The following TSLP variants were observed in gnomAD, a reference collection of about 807,000 sequenced individuals.
The protein encoded by TSLP is thymic stromal lymphopoietin.
A neutral mutation model predicts 12.4 loss-of-function variants in TSLP; 12 were observed. The ratio of observed to expected loss-of-function variants is 0.97; its 90% CI spans 0.62 to 1.57. The LOEUF is 1.57. Ranked by LOEUF, TSLP falls within the 40% of genes most tolerant of loss-of-function variation. The pLI is 0.00. For synonymous variants in TSLP, 97 were observed against 69.5 expected, an observed-to-expected ratio of 1.40 and a Z score of -1.97; for missense variants, 222 against 189.6, an observed-to-expected ratio of 1.17 and a Z score of -1.00.
chr5:111,072,157 T>A (rs1017317312), intron 1 of TSLP, 96 bp downstream of exon 1: 6 of 1,102,310 alleles, frequency 5.4e-6, no homozygotes, highest in African/African-American at 1.6e-5. Flanking sequence ...AGAAAAATAA[T>A]TTAGAAAAAA....
rs1441795818 is a variant in TSLP, at chr5:111,076,345, A to G, written c.*271A>G. The G allele has an allele frequency of 8.2e-6, 3 of 364,814 alleles. No individual in the cohort carries two copies. The highest frequency in any genetic ancestry group is 2.1e-5 in the African/African-American group (1 of 46,630). The allele number at this position is 364,814 out of a possible 1,614,324, so 22.6% of individuals were successfully genotyped here. On this transcript the variant is annotated 3_prime_UTR_variant, in exon 4 of 4. Coordinates refer to ENST00000344895, the MANE Select transcript of TSLP (RefSeq NM_033035.5). ...GGCTGTAGTTGCATAAGCATTGCTC[A>G]AGAGGAAAATCCAAAAGTGCAGCAG... is the stretch of plus-strand genomic sequence containing the variant.
chr5:111,071,441 G>C, upstream of TSLP: 6 of 1,525,018 alleles, frequency 3.9e-6, no homozygotes, highest in Non-Finnish European at 5.3e-6. Flanking sequence ...TGCCCTGTAG[G>C]AGAAAGACAC....
At chr5:111,075,350 C>T (rs1752471076) in intron 3 of TSLP, among the ~76,000 whole-genome samples, 2 of 151,964 alleles carry the variant, frequency 1.3e-5, no homozygotes, top group South Asian at 2.1e-4. Flanking sequence ...TTAAAATAAG[C>T]CCTCAGATGT....
rs1752401856 is a variant in TSLP, at chr5:111,073,543, C to T, written c.249C>T (p.Thr83=). The change falls in exon 3 of 4, where the codon ACC becomes ACT. Residue 83 remains threonine (T), a synonymous_variant. Coordinates refer to ENST00000344895, the MANE Select transcript of TSLP (RefSeq NM_033035.5). ...GCCTTACTGAAATCCAGAGCCTAACCTTCAATCCCACCGCCGGCTGCGCGT... is the reference window on the plus strand; with the variant it reads ...GCCTTACTGAAATCCAGAGCCTAACTTTCAATCCCACCGCCGGCTGCGCGT... ...PHCLTEIQSL[T]FNPTAGCASL... 6.2e-7 allele frequency: 1 copy of T among 1,614,054 alleles called. No individual in the cohort carries two copies.
In TSLP at chr5:111,075,945, G is replaced by A. The variant is rs760066885; in HGVS notation, c.352-1G>A. On this transcript the variant is annotated splice_acceptor_variant, in intron 3 of 3. Coordinates refer to ENST00000344895, the MANE Select transcript of TSLP (RefSeq NM_033035.5). LOFTEE classifies it high-confidence loss of function. ...TGACTATTGATTCTTATATTCTGCA[G>A]ATAAATGCTACTCAGGCAATGAAGA... 4 of 1,612,684 alleles carry A rather than the reference G, an allele frequency of 2.5e-6. No homozygotes were observed. The highest frequency in any genetic ancestry group is 2.2e-5 in the East Asian group (1 of 44,848).
chr5:111,073,249 G>GC, intron 2 of TSLP: 1 of 1,392,546 alleles, frequency 7.2e-7, no homozygotes, highest in Non-Finnish European at 9.3e-7. Flanking sequence ...GGCAGCCTCC[G>GC]CCCCCTGGAG....
rs771825618 is a variant in TSLP at position 111,071,841 on chromosome 5, G to A, written c.-50G>A. The A allele has an allele frequency of 1.7e-5, 27 of 1,590,080 alleles. No homozygotes were observed. Among genetic ancestry groups the A allele is most frequent in the South Asian group, 6.8e-5 (6 of 87,758 alleles). On this transcript the variant is annotated 5_prime_UTR_variant, in exon 1 of 4. In the 5' UTR this introduces an upstream ATG that the reference lacks. Transcript: ENST00000344895. ...CAGGCCTTACAGATCTCTTACACTC[G>A]TGGTGGGAAGAGTTTAGTGTGAAAC...
intron 3 of TSLP, among the ~76,000 whole-genome samples, chr5:111,074,777 G>A (rs762163480): frequency 1.6e-4 from 24 of 151,912 alleles, no homozygotes; most frequent in East Asian, 1.9e-4. Context: ...CCGCCACCAC[G>A]CCTGGCTAAC....
At chr5:111,070,915 G>C (rs1437988850), upstream of TSLP, 1 of 152,418 alleles carries the variant, frequency 6.6e-6, no homozygotes, top group East Asian at 1.9e-4. Flanking sequence ...GTCTGGCTCC[G>C]CTTCTTGTGT....
Position 111,076,132 on chromosome 5 carries a change from G to A in TSLP, c.*58G>A. On this transcript the variant is annotated 3_prime_UTR_variant, in exon 4 of 4. Transcript: ENST00000344895. ...CAAAATAAATCATCTTTATTAAGTA[G>A]ATGAAACATTAACTCTAACTGTGAC... 6.3e-7 allele frequency: 1 copy of A among 1,574,892 alleles called. No individual in the cohort carries two copies. The highest frequency in any genetic ancestry group is 1.1e-5 in the South Asian group (1 of 88,094).
In TSLP at chr5:111,076,788, A is replaced by G. The variant is rs1027927007; in HGVS notation, c.*714A>G. On this transcript the variant is annotated 3_prime_UTR_variant, in exon 4 of 4. Transcript: ENST00000344895. ...ATATTTCTTAATAAAATAATTCTCA[A>G]ATTTGTTTCTTATGAATCATCTCTC... 1.1e-4 allele frequency: 17 copies of G among 152,166 alleles called. No individual in the cohort carries two copies. Among genetic ancestry groups the G allele is most frequent in the Non-Finnish European group, 1.8e-4 (12 of 68,024 alleles). 9.4% of individuals were successfully genotyped at this position (152,166 alleles called of 1,614,324 possible). A position where few individuals can be genotyped will look rare whatever the true frequency, so the allele number is the denominator to read the frequency against.
upstream of TSLP, chr5:111,071,573 TC>T: frequency 5.3e-6 from 8 of 1,508,412 alleles, no homozygotes; most frequent in Non-Finnish European, 7.1e-6. Flanking sequence ...ATTTAGCTAC[TC>T]CTTTTTTTTT....
Position 111,076,237 on chromosome 5 carries a change from T to A in TSLP, c.*163T>A. The stretch of plus-strand genomic sequence containing the variant: ...TTTGTAAGTTTTTATTGTGTAAGTT[T>A]ATAATGCAGGGGAAGTACTACTCCT... On this transcript the variant is annotated 3_prime_UTR_variant, in exon 4 of 4. Transcript: ENST00000344895. 2.5e-6 allele frequency: 2 copies of A among 803,240 alleles called. No homozygotes were observed. Among genetic ancestry groups the A allele is most frequent in the South Asian group, 3.5e-5 (2 of 56,392 alleles). 49.8% of individuals were successfully genotyped at this position (803,240 alleles called of 1,614,324 possible). A position where few individuals can be genotyped will look rare whatever the true frequency, so the allele number is the denominator to read the frequency against.
At chr5:111,073,677 C>G (rs1395953001) in intron 3 of TSLP, 32 bp downstream of exon 3, 3 of 1,602,580 alleles carry the variant, frequency 1.9e-6, no homozygotes, top group East Asian at 4.5e-5. Context: ...TTTGCTGTAC[C>G]TTGGGGCTAA....
chr5:111,073,564 C>A lies in TSLP; in HGVS notation c.270C>A (p.Cys90Ter). The change falls in exon 3 of 4, where the codon TGC (cysteine) becomes TGA (stop). Residue 90 changes from cysteine to a stop codon, truncating the protein, a stop_gained. Transcript: ENST00000344895. LOFTEE classifies it high-confidence loss of function. ...TAACCTTCAATCCCACCGCCGGCTG[C>A]GCGTCGCTCGCCAAAGAAATGTTCG... ...QSLTFNPTAG[C>*]ASLAKEMFAM... The A allele has an allele frequency of 6.2e-7, 1 of 1,614,186 alleles. No individual in the cohort carries two copies.
rs571481535 is a variant in TSLP at position 111,076,261 on chromosome 5, C to T, written c.*187C>T. 4.2e-4 allele frequency: 264 copies of T among 635,368 alleles called. 7 individuals carry two copies. In the South Asian group the frequency reaches 5.6e-3, roughly 13 times the overall value. 39.4% of individuals were successfully genotyped at this position (635,368 alleles called of 1,614,324 possible). The stretch of plus-strand genomic sequence containing the variant: ...TTATAATGCAGGGGAAGTACTACTC[C>T]TCAAATGTTGAGGGAAGCTTCCATA... On this transcript the variant is annotated 3_prime_UTR_variant, in exon 4 of 4. Transcript: ENST00000344895.
rs1409811986 is a variant in TSLP, at chr5:111,072,904, TCAA to T, written c.194_196del (p.Asn65del). 1.2e-6 allele frequency: 2 copies of T among 1,614,240 alleles called. No homozygotes were observed. The highest frequency in any genetic ancestry group is 1.3e-5 in the African/African-American group (1 of 75,066). On this transcript the variant is annotated inframe_deletion, in exon 2 of 4. Transcript: ENST00000344895. ...TTCTTCCAGACCAAAAGTACCGAGT[TCAA>T]CAACACCGTCTCTTGTAGCAATCGG...
chr5:111,076,762 T>C lies in TSLP; in HGVS notation c.*688T>C, dbSNP rs965809568. The C allele has an allele frequency of 1.3e-5, 2 of 152,218 alleles. No homozygotes were observed. Among genetic ancestry groups the C allele is most frequent in the East Asian group, 3.8e-4 (2 of 5,200 alleles). The allele number at this position is 152,218 out of a possible 1,614,324, so 9.4% of individuals were successfully genotyped here. A position where few individuals can be genotyped will look rare whatever the true frequency, so the allele number is the denominator to read the frequency against. On this transcript the variant is annotated 3_prime_UTR_variant, in exon 4 of 4. Coordinates refer to ENST00000344895, the MANE Select transcript of TSLP (RefSeq NM_033035.5). ...ACATGTTCCTTTGTAATTGACACTA[T>C]ATATTTCTTAATAAAATAATTCTCA...
chr5:111,075,441 C>G (rs1308690876), intron 3 of TSLP, among the ~76,000 whole-genome samples: 1 of 152,116 alleles, frequency 6.6e-6, no homozygotes, highest in Non-Finnish European at 1.5e-5. Flanking sequence ...AAAAAATAGA[C>G]TAGGTTTATT....
Sources: allele counts gnomAD v4.1 joint callset (sites outside exome capture counted in the v4.1 genomes callset), GRCh38; gene constraint gnomAD v4.1.1; transcripts MANE v1.5; gene names NCBI Gene and HGNC (gene_info 2026-07-23, HGNC 2026-07-21).